DHRS7B: variants seen among roughly 807,000 people sequenced by gnomAD.
DHRS7B encodes peroxisomal reductase activating PPAR-gamma.
Under a neutral mutation model 26.4 loss-of-function variants are expected in DHRS7B, and 24 were observed. That is an observed-to-expected ratio of 0.91 (90% CI 0.66 to 1.28). The LOEUF is 1.28. Ranked by LOEUF, DHRS7B falls within the 50% of genes most tolerant of loss-of-function variation. The pLI is 0.00. For missense variants in DHRS7B, 368 were observed against 419.4 expected (o/e 0.88, Z 1.07); for synonymous variants, 142 against 166.4 (o/e 0.85, Z 1.13).
intron 1 of DHRS7B, among the ~76,000 whole-genome samples, chr17:21,141,058 G>A (rs1370976226): frequency 6.6e-6 from 1 of 152,098 alleles, no homozygotes; most frequent in Non-Finnish European, 1.5e-5. Context: ...TGTGACCTCA[G>A]AGAGGGCTCA....
chr17:21,164,030 C>CTTTTTTTTTT lies in DHRS7B; in HGVS notation c.21-7981_21-7972dup, dbSNP rs35189205. On this transcript the variant is annotated intron_variant, in intron 1 of 6. Transcript: ENST00000395511. ...AGTGCAGATATTGTCAATTGTTGTG[C>CTTTTTTTTTT]TTTTTTTTTTTTTTTTGAGACAGGG... Among the ~76,000 whole-genome samples the CTTTTTTTTTT allele has an allele frequency of 1.8e-4, 17 of 96,976 alleles. 2 individuals are homozygous for CTTTTTTTTTT. The highest frequency in any genetic ancestry group is 5.8e-4 in the East Asian group (2 of 3,430). The allele number at this position is 96,976 out of a possible 152,430, so 63.6% of individuals were successfully genotyped here. A position where few individuals can be genotyped will look rare whatever the true frequency, so the allele number is the denominator to read the frequency against.
At chr17:21,146,648 T>C (rs1039914647) in intron 1 of DHRS7B, among the ~76,000 whole-genome samples, 1 of 152,172 alleles carries the variant, frequency 6.6e-6, no homozygotes, top group Non-Finnish European at 1.5e-5. Flanking sequence ...TATTTATATC[T>C]CAGTAGAAAA....
chr17:21,156,263 T>C (rs181497719), intron 1 of DHRS7B, among the ~76,000 whole-genome samples: 84 of 152,158 alleles, frequency 5.5e-4, no homozygotes, highest in African/African-American at 1.8e-3. Context: ...ATGACTAATA[T>C]CAGAAATGAA....
rs1184850691 is a variant in DHRS7B, at chr17:21,163,123, G to T, written c.21-8895G>T. Among the ~76,000 whole-genome samples the T allele has an allele frequency of 2.6e-5, 4 of 151,900 alleles. No individual in the cohort carries two copies. The East Asian group carries it at 7.7e-4, about 29-fold the overall frequency. On this transcript the variant is annotated intron_variant, in intron 1 of 6. Coordinates refer to ENST00000395511, the MANE Select transcript of DHRS7B (RefSeq NM_015510.5). ...AGGCAGGAGAATCGCTTGAACCCGG[G>T]AGGCAGAGGTTGCAGTGAACCGAGA... is the stretch of plus-strand genomic sequence containing the variant.
intron 3 of DHRS7B, among the ~76,000 whole-genome samples, chr17:21,180,212 C>CT (rs750652869): frequency 9.2e-5 from 14 of 151,670 alleles, no homozygotes; most frequent in Admixed American, 4.6e-4. Context: ...ATATCTGGGA[C>CT]TACAGGCACG....
chr17:21,162,544 C>A (rs985215921), intron 1 of DHRS7B, among the ~76,000 whole-genome samples: 5 of 152,140 alleles, frequency 3.3e-5, no homozygotes, highest in African/African-American at 1.2e-4. Context: ...GAATAAAAGG[C>A]CAGACCCTCA....
intron 1 of DHRS7B, among the ~76,000 whole-genome samples, chr17:21,150,245 G>T (rs1567619875): frequency 6.6e-6 from 1 of 151,510 alleles, no homozygotes; most frequent in Non-Finnish European, 1.5e-5. Context: ...TATTAAAAAA[G>T]TATGAAACAG....
In DHRS7B at chr17:21,191,273, G is replaced by A. The variant is rs1974775296; in HGVS notation, c.*120G>A. 1 of 1,047,666 alleles carries A rather than the reference G, an allele frequency of 9.5e-7. No individual in the cohort carries two copies. The highest frequency in any genetic ancestry group is 1.4e-6 in the Non-Finnish European group (1 of 712,984). 64.9% of individuals were successfully genotyped at this position (1,047,666 alleles called of 1,614,324 possible). A position where few individuals can be genotyped will look rare whatever the true frequency, so the allele number is the denominator to read the frequency against. ...ATTTGTCTCACAAGTGGGAAAGACT[G>A]AAGAAACACATCTCGTGCAGATCTG... On this transcript the variant is annotated 3_prime_UTR_variant, in exon 7 of 7. Coordinates refer to ENST00000395511, the MANE Select transcript of DHRS7B (RefSeq NM_015510.5).
At position 21,172,155 on chromosome 17, in the gene DHRS7B, C is replaced by G. The variant is rs1287091614; in HGVS notation, c.158C>G (p.Ala53Gly). The change falls in exon 2 of 7, where the codon GCT (alanine) becomes GGT (glycine). Residue 53 changes from alanine (A) to glycine (G), a missense_variant. Physicochemically the swap from Ala to Gly is moderately conservative, Grantham distance 60. Transcript: ENST00000395511. The part of the protein sequence containing the change: ...WVRGKAYLRN[A>G]VVVITGATSG... ...CGCGGGAAGGCCTACCTGCGGAATG[C>G]TGTGGTGGTGATCACAGGCGCCACC... 1 of 1,613,800 alleles carries G rather than the reference C, an allele frequency of 6.2e-7. No individual in the cohort carries two copies. Among genetic ancestry groups the G allele is most frequent in the Admixed American group, 1.7e-5 (1 of 59,980 alleles).
intron 1 of DHRS7B, among the ~76,000 whole-genome samples, chr17:21,161,374 T>TA (rs1199438629): frequency 1.3e-5 from 2 of 152,026 alleles, no homozygotes; most frequent in Admixed American, 6.5e-5. Flanking sequence ...ATTTTATTAA[T>TA]AAAAAAATGG....
At chr17:21,170,338 C>G (rs766354346) in intron 1 of DHRS7B, among the ~76,000 whole-genome samples, 7 of 152,184 alleles carry the variant, frequency 4.6e-5, no homozygotes, top group Non-Finnish European at 8.8e-5. Flanking sequence ...ACAAAGGGTC[C>G]TTGGGACCCA....
intron 2 of DHRS7B, 50 bp from the exon 3 acceptor site, chr17:21,178,183 G>A (rs780756368): frequency 1.9e-6 from 3 of 1,565,388 alleles, no homozygotes; most frequent in Admixed American, 3.3e-5. Context: ...AATTTAAACT[G>A]AACGGCACTG....
Position 21,164,030 on chromosome 17 carries a change from C to CTTTTTTTTTTTTTTTTTTTT in DHRS7B, c.21-7972_21-7971insTTTTTTTTTTTTTTTTTTTT, listed in dbSNP as rs35189205. On this transcript the variant is annotated intron_variant, in intron 1 of 6. Transcript: ENST00000395511. Reference sequence around the variant, plus strand: ...AGTGCAGATATTGTCAATTGTTGTGCTTTTTTTTTTTTTTTTGAGACAGGG... The same window carrying CTTTTTTTTTTTTTTTTTTTT: ...AGTGCAGATATTGTCAATTGTTGTGCTTTTTTTTTTTTTTTTTTTTTTTTTTTTTTTTTTTTGAGACAGGG... 5.9e-4 allele frequency among the ~76,000 whole-genome samples: 57 copies of CTTTTTTTTTTTTTTTTTTTT among 96,948 alleles called. 12 individuals are homozygous for CTTTTTTTTTTTTTTTTTTTT. The highest frequency in any genetic ancestry group is 1.3e-3 in the African/African-American group (26 of 19,762). 63.6% of individuals were successfully genotyped at this position (96,948 alleles called of 152,430 possible). A position where few individuals can be genotyped will look rare whatever the true frequency, so the allele number is the denominator to read the frequency against.
At position 21,159,414 on chromosome 17, in the gene DHRS7B, ATTT is replaced by A. The variant is rs59017040; in HGVS notation, c.21-12592_21-12590del. ...AGGAGTGCACCACCACGCCCGGCTA[ATTT>A]TTTTTTTTTTTGTATTTTTAGTAGA... On this transcript the variant is annotated intron_variant, in intron 1 of 6. Transcript: ENST00000395511. Among the ~76,000 whole-genome samples the A allele has an allele frequency of 3.5e-5, 5 of 144,828 alleles. No homozygotes were observed. In the South Asian group the frequency reaches 1.1e-3, roughly 32 times the overall value.
At chr17:21,176,723 C>T (rs988816611) in intron 2 of DHRS7B, among the ~76,000 whole-genome samples, 1 of 151,680 alleles carries the variant, frequency 6.6e-6, no homozygotes, top group African/African-American at 2.4e-5. Flanking sequence ...ACGGTCACAC[C>T]CCGAGGGACT....
chr17:21,167,722 A>T (rs1458751214), intron 1 of DHRS7B, among the ~76,000 whole-genome samples: 2 of 152,346 alleles, frequency 1.3e-5, no homozygotes, highest in South Asian at 4.1e-4. Context: ...CCAAATGCTG[A>T]AAATCGTGAG....
intron 1 of DHRS7B, among the ~76,000 whole-genome samples, chr17:21,136,300 TA>T (rs917004755): frequency 8.6e-4 from 94 of 108,686 alleles, no homozygotes; most frequent in Admixed American, 9.6e-4. Context: ...AAAACTCCAT[TA>T]AAAAAAAAAA....
At chr17:21,164,172 G>A (rs8076339) in intron 1 of DHRS7B, among the ~76,000 whole-genome samples, 6,531 of 151,428 alleles carry the variant, frequency 0.043, 177 homozygotes, top group Middle Eastern at 0.072. Flanking sequence ...GGGACCACAG[G>A]TGCATGCCAC....
intron 5 of DHRS7B, 83 bp from the exon 6 acceptor site, chr17:21,188,628 C>T (rs925443920): frequency 4.3e-6 from 6 of 1,403,204 alleles, no homozygotes; most frequent in South Asian, 1.4e-5. Flanking sequence ...AAACAGAGAG[C>T]GTGAATGGTA....
Sources: allele counts gnomAD v4.1 joint callset (sites outside exome capture counted in the v4.1 genomes callset), GRCh38; gene constraint gnomAD v4.1.1; transcripts MANE v1.5; gene names NCBI Gene and HGNC (gene_info 2026-07-23, HGNC 2026-07-21).